Variants in ARL5A observed in about 807,000 individuals in gnomAD.
ARL5A encodes ARF like GTPase 5A.
A neutral mutation model predicts 25.9 loss-of-function variants in ARL5A; 18 were observed. The observed-to-expected ratio is 0.69, with a 90% CI of 0.48 to 1.03. The LOEUF (loss-of-function observed/expected upper bound fraction) is 1.03. ARL5A is among the 50% of genes least tolerant of loss of function. ARL5A has a pLI of 0.00. For missense variants in ARL5A, 170 were observed against 211.9 expected (o/e 0.80, Z 1.23); for synonymous variants, 61 against 67.5 (o/e 0.90, Z 0.47).
chr2:151,804,836 C>G (rs2099829884), intron 5 of ARL5A, among the ~76,000 whole-genome samples: 2 of 152,154 alleles, frequency 1.3e-5, no homozygotes, highest in African/African-American at 4.8e-5. Flanking sequence ...CTCCAATCCA[C>G]TGAATCAAAA....
At chr2:151,824,746 C>T (rs115554493) in intron 1 of ARL5A, among the ~76,000 whole-genome samples, 1,861 of 152,262 alleles carry the variant, frequency 0.012, 14 homozygotes, top group Non-Finnish European at 0.02. Flanking sequence ...TGCAAATGTG[C>T]GTGCGTGCAT....
rs72995390 is a variant in ARL5A, at chr2:151,803,398, C to T, written c.492-74G>A. On this transcript the variant is annotated intron_variant, in intron 5 of 5. Coordinates refer to ENST00000295087, the MANE Select transcript of ARL5A (RefSeq NM_012097.4). The stretch of plus-strand genomic sequence containing the variant: ...TGAGCAGCAAACTATGAACAGCAAA[C>T]TAAAAGAGAGCATTTTTCATTTAGC... 1.1e-3 allele frequency: 1,126 copies of T among 1,037,800 alleles called. 9 individuals are homozygous for T. The African/African-American group carries it at 0.016, about 15-fold the overall frequency. 64.3% of individuals were successfully genotyped at this position (1,037,800 alleles called of 1,614,324 possible).
chr2:151,817,974 C>A lies in ARL5A; in HGVS notation c.47-2775G>T, dbSNP rs187186872. On this transcript the variant is annotated intron_variant, in intron 1 of 5. Transcript: ENST00000295087. The stretch of plus-strand genomic sequence containing the variant: ...TGAGCCAAGATCATGCCATTACACT[C>A]CAGCCTGGGCAACAAGAGCGAAACC... Among the ~76,000 whole-genome samples the A allele has an allele frequency of 2.3e-3, 347 of 152,304 alleles. 1 individual carries two copies. The highest frequency in any genetic ancestry group is 3.9e-3 in the Non-Finnish European group (263 of 68,034).
intron 4 of ARL5A, among the ~76,000 whole-genome samples, 199 bp from the exon 5 acceptor site, chr2:151,807,171 T>G (rs1156415484): frequency 6.6e-6 from 1 of 152,184 alleles, no homozygotes; most frequent in African/African-American, 2.4e-5. Flanking sequence ...AGACAACAAT[T>G]TTTTATGGTC....
rs370497660 is a variant in ARL5A, at chr2:151,826,505, T to C, written c.46+1626A>G. Reference sequence around the variant, plus strand: ...TTTATCATTGACTCAAAATAGAAAGTGGTGATAACTCTTTTTCTGGCAGCA... The same window carrying C: ...TTTATCATTGACTCAAAATAGAAAGCGGTGATAACTCTTTTTCTGGCAGCA... On this transcript the variant is annotated intron_variant, in intron 1 of 5. Coordinates refer to ENST00000295087, the MANE Select transcript of ARL5A (RefSeq NM_012097.4). 2.8e-4 allele frequency among the ~76,000 whole-genome samples: 43 copies of C among 152,328 alleles called. No individual in the cohort carries two copies. In the East Asian group the frequency reaches 5.0e-3, roughly 18 times the overall value.
In ARL5A at chr2:151,828,153, T is replaced by C. The variant is rs1328499301; in HGVS notation, c.24A>G (p.Ile8Met). Reference sequence around the variant, plus strand: ...CACCCTGGTGATTGAACAGTCTCCATATTCTAGTGAAGAGAATTCCCATTC... The same window carrying C: ...CACCCTGGTGATTGAACAGTCTCCACATTCTAGTGAAGAGAATTCCCATTC... MGILFTR[I>M]WRLFNHQEHK... The change falls in exon 1 of 6, where the codon ATA becomes ATG. Residue 8 changes from isoleucine (I) to methionine (M), a missense_variant. Transcript: ENST00000295087. 3.7e-6 allele frequency: 6 copies of C among 1,608,686 alleles called. No homozygotes were observed. Among genetic ancestry groups the C allele is most frequent in the Admixed American group, 1.7e-5 (1 of 59,494 alleles).
chr2:151,807,140 T>C (rs528806469), intron 4 of ARL5A, among the ~76,000 whole-genome samples, 168 bp from the exon 5 acceptor site: 10 of 152,274 alleles, frequency 6.6e-5, no homozygotes, highest in Admixed American at 1.3e-4. Flanking sequence ...TTGTATGTGT[T>C]TACATATTTC....
In ARL5A at chr2:151,801,469, GA is replaced by G. The variant is rs1205455147; in HGVS notation, c.*1806del. The G allele has an allele frequency of 6.6e-6, 1 of 152,092 alleles. No homozygotes were observed. The highest frequency in any genetic ancestry group is 1.9e-4 in the East Asian group (1 of 5,200). 9.4% of individuals were successfully genotyped at this position (152,092 alleles called of 1,614,324 possible). A position where few individuals can be genotyped will look rare whatever the true frequency, so the allele number is the denominator to read the frequency against. On this transcript the variant is annotated 3_prime_UTR_variant, in exon 6 of 6. Coordinates refer to ENST00000295087, the MANE Select transcript of ARL5A (RefSeq NM_012097.4). Reference sequence around the variant, plus strand: ...ATTTGGGTAAAGGAGATTTTTAATAGATAACAAGTAATTCTTTATAGGGATT... The same window carrying G: ...ATTTGGGTAAAGGAGATTTTTAATAGTAACAAGTAATTCTTTATAGGGATT...
intron 1 of ARL5A, among the ~76,000 whole-genome samples, chr2:151,819,562 T>C (rs1301684190): frequency 1.3e-5 from 2 of 152,096 alleles, no homozygotes; most frequent in Non-Finnish European, 2.9e-5. Context: ...GACATACCAG[T>C]GGAAAAACTA....
chr2:151,826,945 T>TGTGTGTGC (rs956542912), intron 1 of ARL5A, among the ~76,000 whole-genome samples: 20 of 152,112 alleles, frequency 1.3e-4, no homozygotes, highest in African/African-American at 4.8e-4. Context: ...TGTGTGTGTG[T>TGTGTGTGC]GCGTAAAAGA....
chr2:151,805,052 C>A (rs1447919247), intron 5 of ARL5A, among the ~76,000 whole-genome samples: 1 of 152,018 alleles, frequency 6.6e-6, no homozygotes, highest in Non-Finnish European at 1.5e-5. Context: ...TAAATTAAAT[C>A]TTATGTCAAT....
chr2:151,808,454 T>C (rs1315742019), intron 4 of ARL5A, among the ~76,000 whole-genome samples: 1 of 37,214 alleles, frequency 2.7e-5, no homozygotes, highest in Non-Finnish European at 1.0e-4. Flanking sequence ...GTTAAAGGAG[T>C]TATGTAAAAT....
At chr2:151,807,335 C>T (rs1434307515) in intron 4 of ARL5A, among the ~76,000 whole-genome samples, 2 of 152,156 alleles carry the variant, frequency 1.3e-5, no homozygotes, top group African/African-American at 4.8e-5. Context: ...TGCTTTACCT[C>T]ACATCACTCC....
At chr2:151,812,994 A>G (rs1220610879) in intron 3 of ARL5A, among the ~76,000 whole-genome samples, 3 of 152,184 alleles carry the variant, frequency 2.0e-5, no homozygotes, top group Non-Finnish European at 4.4e-5. Context: ...ACTGATGATG[A>G]GACTGGTATC....
At position 151,827,898 on chromosome 2, in the gene ARL5A, G is replaced by A. The variant is rs1324541711; in HGVS notation, c.46+233C>T. 4 of 547,898 alleles carry A rather than the reference G, an allele frequency of 7.3e-6. No individual in the cohort carries two copies. In the East Asian group the frequency reaches 1.0e-4, roughly 14 times the overall value. 33.9% of individuals were successfully genotyped at this position (547,898 alleles called of 1,614,324 possible). On this transcript the variant is annotated intron_variant, in intron 1 of 5. Transcript: ENST00000295087. ...AAATCGGAGCAATGGGTCTATTACG[G>A]AAAAGACTTCTTAGGAAGGTCTCCT...
chr2:151,823,989 A>G (rs2099832699), intron 1 of ARL5A, among the ~76,000 whole-genome samples: 1 of 152,234 alleles, frequency 6.6e-6, no homozygotes, highest in Non-Finnish European at 1.5e-5. Flanking sequence ...GCCTACTGAC[A>G]AAACTTAACA....
Position 151,818,067 on chromosome 2 carries a change from CAG to C in ARL5A, c.47-2870_47-2869del, listed in dbSNP as rs1275522683. On this transcript the variant is annotated intron_variant, in intron 1 of 5. Transcript: ENST00000295087. Reference sequence around the variant, plus strand: ...CTACTATCCCAGAATAGACAGGACTCAGAGAGAGCAATTCATGGAAATGACTA... The same window carrying C: ...CTACTATCCCAGAATAGACAGGACTCAGAGAGCAATTCATGGAAATGACTA... Among the ~76,000 whole-genome samples, 3 of 152,108 alleles carry C rather than the reference CAG, an allele frequency of 2.0e-5. No individual in the cohort carries two copies. The East Asian group carries it at 5.8e-4, about 29-fold the overall frequency.
At chr2:151,828,106 T>G in intron 1 of ARL5A, 25 bp downstream of exon 1, 1 of 1,604,488 alleles carries the variant, frequency 6.2e-7, no homozygotes, top group South Asian at 1.1e-5. Context: ...CCCCAACCCG[T>G]ACGCCCGCGG....
chr2:151,814,435 T>C (rs2099831235), intron 2 of ARL5A, 119 bp from the exon 3 acceptor site: 2 of 790,380 alleles, frequency 2.5e-6, no homozygotes, highest in Non-Finnish European at 3.9e-6. Flanking sequence ...AAATATCTTT[T>C]TCCCACTAGT....
Sources: gnomAD v4.1 joint callset for allele counts (sites outside exome capture counted in the v4.1 genomes callset) on GRCh38, gnomAD v4.1.1 for gene constraint, MANE v1.5 for transcripts, NCBI Gene and HGNC (gene_info 2026-07-23, HGNC 2026-07-21) for gene names.